IAH1: variants seen among roughly 807,000 people sequenced by gnomAD.
The protein encoded by IAH1 is isoamyl acetate hydrolyzing esterase 1 (putative), also known as isoamyl acetate-hydrolyzing esterase 1 homolog.
In IAH1, 24 loss-of-function variants were observed where a neutral mutation model predicts 26.7. The observed-to-expected ratio is 0.90, with a 90% CI of 0.65 to 1.26. IAH1 has a LOEUF of 1.26. Ranked by LOEUF, IAH1 falls within the 50% of genes most tolerant of loss-of-function variation. The pLI is 0.00. For synonymous variants in IAH1, 140 were observed against 118.5 expected, an observed-to-expected ratio of 1.18 and a Z score of -1.18; for missense variants, 300 against 299.9, an observed-to-expected ratio of 1.00 and a Z score of 0.00.
At chr2:9,507,185 T>C in the IAH1 span, among the ~76,000 whole-genome samples, 1 of 152,146 alleles carries the variant, frequency 6.6e-6, no homozygotes, top group Non-Finnish European at 1.5e-5. Flanking sequence ...AATATTTTTA[T>C]TAAGGAATTC....
chr2:9,482,582 G>A (rs746852046), intron 4 of IAH1, among the ~76,000 whole-genome samples: 4 of 152,036 alleles, frequency 2.6e-5, no homozygotes, highest in Non-Finnish European at 2.9e-5. Flanking sequence ...CTAAGTAACC[G>A]GCCCAAGATC....
Position 9,488,554 on chromosome 2 carries a change from T to A in IAH1, c.*225T>A. Reference sequence around the variant, plus strand: ...GCTATAAAATATACCCTGAGCAGCTTGTTAATTCTATAAATGACAAAGACT... The same window carrying A: ...GCTATAAAATATACCCTGAGCAGCTAGTTAATTCTATAAATGACAAAGACT... On this transcript the variant is annotated 3_prime_UTR_variant, in exon 6 of 6. Coordinates refer to ENST00000497473, the MANE Select transcript of IAH1 (RefSeq NM_001039613.3). 1 of 367,328 alleles carries A rather than the reference T, an allele frequency of 2.7e-6. No homozygotes were observed. Among genetic ancestry groups the A allele is most frequent in the East Asian group, 4.1e-5 (1 of 24,302 alleles). The allele number at this position is 367,328 out of a possible 1,614,324, so 22.8% of individuals were successfully genotyped here.
At chr2:9,477,598 A>G (rs1660892247) in intron 2 of IAH1, among the ~76,000 whole-genome samples, 1 of 151,644 alleles carries the variant, frequency 6.6e-6, no homozygotes, top group Non-Finnish European at 1.5e-5. Context: ...GTGAGGAAGG[A>G]GCACAGCGTG....
chr2:9,490,382 T>C (rs779511668), downstream of IAH1: 46 of 1,614,064 alleles, frequency 2.8e-5, no homozygotes, highest in East Asian at 8.9e-4. Context: ...GTCCATTCTC[T>C]GGTGGTCCAG....
intron 5 of IAH1, 57 bp from the exon 6 acceptor site, chr2:9,488,090 G>T: frequency 8.5e-7 from 1 of 1,176,040 alleles, no homozygotes. Context: ...GAATGACAGG[G>T]GTGAGCTACC....
At chr2:9,476,161 T>C in intron 2 of IAH1, 122 bp downstream of exon 2, 1 of 771,238 alleles carries the variant, frequency 1.3e-6, no homozygotes, top group Non-Finnish European at 2.2e-6. Context: ...TTGCCTCCCC[T>C]AATCAGTATA....
the IAH1 span, among the ~76,000 whole-genome samples, chr2:9,510,879 T>C: frequency 1.3e-5 from 2 of 152,172 alleles, no homozygotes; most frequent in Admixed American, 1.3e-4. Context: ...ATTATATGAA[T>C]TTAACAGAAT....
the IAH1 span, among the ~76,000 whole-genome samples, chr2:9,509,328 C>CT: frequency 6.6e-6 from 1 of 152,324 alleles, no homozygotes; most frequent in Admixed American, 6.5e-5. Flanking sequence ...AGTTCAGACT[C>CT]TAAGAGTTAG....
chr2:9,509,912 C>A, the IAH1 span: 1 of 1,567,200 alleles, frequency 6.4e-7, no homozygotes. Flanking sequence ...CGTTTCTGAG[C>A]TCTCATTATG....
At chr2:9,509,628 T>TA in the IAH1 span, among the ~76,000 whole-genome samples, 41 of 152,270 alleles carry the variant, frequency 2.7e-4, no homozygotes, top group African/African-American at 9.1e-4. Context: ...ATTGTAGAGT[T>TA]AAAATGAATG....
At chr2:9,495,016 C>A (rs1662462327) in intron 6 of IAH1, among the ~76,000 whole-genome samples, 1 of 152,194 alleles carries the variant, frequency 6.6e-6, no homozygotes, top group South Asian at 2.1e-4. Context: ...GATTCAAGAC[C>A]TCTCTTCAAA....
downstream of IAH1, among the ~76,000 whole-genome samples, chr2:9,500,861 A>C (rs1662956810): frequency 6.6e-6 from 1 of 152,236 alleles, no homozygotes; most frequent in Admixed American, 6.5e-5. Context: ...GGACACCTGG[A>C]AAGGTTAGCT....
intron 5 of IAH1, chr2:9,484,853 A>G (rs1258798014): frequency 1.1e-5 from 3 of 283,772 alleles, no homozygotes; most frequent in Non-Finnish European, 6.6e-6. Flanking sequence ...AGAGAATGGC[A>G]GAAAGCTAAA....
At chr2:9,504,315 C>T in the IAH1 span, among the ~76,000 whole-genome samples, 1 of 151,814 alleles carries the variant, frequency 6.6e-6, no homozygotes, top group Non-Finnish European at 1.5e-5. Flanking sequence ...CGTGATGGTG[C>T]GTACCTGTAG....
the IAH1 span, among the ~76,000 whole-genome samples, chr2:9,507,446 G>C: frequency 6.6e-6 from 1 of 152,126 alleles, no homozygotes; most frequent in East Asian, 1.9e-4. Context: ...AGGTTGCAGT[G>C]AGCAGAGATC....
downstream of IAH1, among the ~76,000 whole-genome samples, chr2:9,497,754 T>C (rs2124978395): frequency 6.6e-6 from 1 of 152,322 alleles, no homozygotes; most frequent in African/African-American, 2.4e-5. Context: ...TAGCTGGCTT[T>C]TCTTATGGAT....
At chr2:9,481,224 C>G in intron 3 of IAH1, 62 bp from the exon 4 acceptor site, 4 of 1,563,808 alleles carry the variant, frequency 2.6e-6, no homozygotes. Context: ...GAAGTGTGTT[C>G]ACCTGAATTG....
At chr2:9,510,072 C>T in the IAH1 span, 24 of 1,614,114 alleles carry the variant, frequency 1.5e-5, 1 homozygote, top group South Asian at 3.3e-5. Flanking sequence ...CTAGACCATC[C>T]GGATCATGTT....
At chr2:9,479,423 C>T (rs1661025035) in intron 3 of IAH1, among the ~76,000 whole-genome samples, 1 of 152,032 alleles carries the variant, frequency 6.6e-6, no homozygotes, top group Non-Finnish European at 1.5e-5. Context: ...AGAGTAATGT[C>T]TTTAGTGTAG....
Sources: gnomAD v4.1 joint callset for allele counts (sites outside exome capture counted in the v4.1 genomes callset) on GRCh38, gnomAD v4.1.1 for gene constraint, MANE v1.5 for transcripts, NCBI Gene and HGNC (gene_info 2026-07-23, HGNC 2026-07-21) for gene names.